The following GET3 variants were observed in gnomAD, a reference collection of about 807,000 sequenced individuals.
GET3 encodes guided entry of tail-anchored proteins factor 3, ATPase, also known as ATPase GET3.
In GET3, 15 loss-of-function variants were observed where a neutral mutation model predicts 32.4. The ratio of observed to expected loss-of-function variants is 0.46; its 90% CI spans 0.31 to 0.71. The LOEUF (loss-of-function observed/expected upper bound fraction) is 0.71. GET3 is among the 30% of genes least tolerant of loss of function. GET3 has a pLI of 0.05. For missense variants in GET3, 333 were observed against 459.0 expected (o/e 0.73, Z 2.51); for synonymous variants, 198 against 185.6 (o/e 1.07, Z -0.54).
In GET3 at chr19:12,747,321, C is replaced by G. The variant is rs762412540; in HGVS notation, c.717+17C>G. ...AAGGACCCTGTGAGTGGTGGTCTGG[C>G]TGGCGGTGAGAGGCCCGGGGGCTGA... On this transcript the variant is annotated intron_variant, in intron 5 of 6. Transcript: ENST00000357332. This position sits in a 1 kb window ranked among gnomAD's most constrained non-coding sequence, Gnocchi z 4.0. 1.7e-5 allele frequency: 27 copies of G among 1,609,116 alleles called. No homozygotes were observed. Among genetic ancestry groups the G allele is most frequent in the Non-Finnish European group, 2.1e-5 (25 of 1,176,416 alleles).
Position 12,737,557 on chromosome 19 carries a change from G to C in GET3, c.52G>C (p.Ala18Pro). 1 of 1,605,816 alleles carries C rather than the reference G, an allele frequency of 6.2e-7. No homozygotes were observed. Among genetic ancestry groups the C allele is most frequent in the Non-Finnish European group, 8.5e-7 (1 of 1,176,732 alleles). The change falls in exon 1 of 7, where the codon GCT becomes CCT. Residue 18 changes from alanine to proline, a missense_variant. Coordinates refer to ENST00000357332, the MANE Select transcript of GET3 (RefSeq NM_004317.4). ...GGTTGAGGCAGAGGAGTTCGAAGAT[G>C]CTCCTGATGTGGAGCCGCTGGAGCC... ...WGVEAEEFED[A>P]PDVEPLEPTL...
At chr19:12,743,557 G>A (rs1196624071) in intron 2 of GET3, among the ~76,000 whole-genome samples, 4 of 150,714 alleles carry the variant, frequency 2.7e-5, no homozygotes, top group Non-Finnish European at 4.4e-5. Context: ...TTGGGAGGCC[G>A]AGGTGGGTGG....
chr19:12,740,337 C>T (rs1967644294), intron 2 of GET3, among the ~76,000 whole-genome samples: 2 of 151,148 alleles, frequency 1.3e-5, no homozygotes, highest in African/African-American at 4.9e-5. Flanking sequence ...GCTGAGATCG[C>T]GCCACTGCAC....
chr19:12,739,457 C>T (rs1967626711), intron 2 of GET3, among the ~76,000 whole-genome samples: 1 of 152,160 alleles, frequency 6.6e-6, no homozygotes, highest in South Asian at 2.1e-4. Context: ...TGAGCCACCA[C>T]ATCGCACCAG....
At position 12,747,436 on chromosome 19, in the gene GET3, G is replaced by A. The variant is rs1397606956; in HGVS notation, c.759G>A (p.Leu253=). 5 of 1,614,064 alleles carry A rather than the reference G, an allele frequency of 3.1e-6. No individual in the cohort carries two copies. The highest frequency in any genetic ancestry group is 1.6e-4 in the Middle Eastern group (1 of 6,062). Residue 253 remains leucine (L), a synonymous_variant, in exon 6 of 7, where the codon CTG becomes CTA. Coordinates refer to ENST00000357332, the MANE Select transcript of GET3 (RefSeq NM_004317.4). This position sits in a 1 kb window ranked among gnomAD's most constrained non-coding sequence, Gnocchi z 4.0. ...TFICVCIAEF[L]SLYETERLIQ... is the part of the protein sequence containing the mutation. ...TCTGCGTATGCATTGCTGAGTTCCT[G>A]TCCCTGTATGAGACAGAGAGGCTGA...
Position 12,747,822 on chromosome 19 carries a change from G to A in GET3, c.916-151G>A, listed in dbSNP as rs779928887. The A allele has an allele frequency of 5.6e-5, 57 of 1,012,350 alleles. No homozygotes were observed. The highest frequency in any genetic ancestry group is 2.5e-4 in the Middle Eastern group (1 of 4,008). 62.7% of individuals were successfully genotyped at this position (1,012,350 alleles called of 1,614,324 possible). ...CCCAGTGATCTCTGACCATAGTGAT[G>A]CAGCTCCCACTTATGACACCTTAAG... is the stretch of plus-strand genomic sequence containing the variant. On this transcript the variant is annotated intron_variant, in intron 6 of 6. Transcript: ENST00000357332. The surrounding 1 kb of genome is among the most constrained non-coding windows in gnomAD (Gnocchi z 4.0).
intron 2 of GET3, among the ~76,000 whole-genome samples, chr19:12,738,967 G>A (rs1967618605): frequency 6.6e-6 from 1 of 152,216 alleles, no homozygotes; most frequent in African/African-American, 2.4e-5. Context: ...TTAACGGGAA[G>A]CTGTTTGTTT....
chr19:12,737,957 A>C (rs1453409094), intron 1 of GET3, among the ~76,000 whole-genome samples: 1 of 152,112 alleles, frequency 6.6e-6, no homozygotes, highest in Non-Finnish European at 1.5e-5. Context: ...TACCTGAGTG[A>C]ATCCAGAGTT....
chr19:12,748,256 G>A lies in GET3; in HGVS notation c.*152G>A. On this transcript the variant is annotated 3_prime_UTR_variant, in exon 7 of 7. Transcript: ENST00000357332. ...GGGGTCCATTCCCCCTGGTGGGGCT[G>A]GTGGGGAGCTGTAGTTGCCCCCTAC... The A allele has an allele frequency of 1.4e-6, 1 of 700,150 alleles. No homozygotes were observed. The highest frequency in any genetic ancestry group is 2.2e-6 in the Non-Finnish European group (1 of 456,568). 43.4% of individuals were successfully genotyped at this position (700,150 alleles called of 1,614,324 possible). A position where few individuals can be genotyped will look rare whatever the true frequency, so the allele number is the denominator to read the frequency against.
In GET3 at chr19:12,747,065, A is replaced by G. The variant is rs1234142052; in HGVS notation, c.610-132A>G. 5.0e-6 allele frequency: 3 copies of G among 601,812 alleles called. No homozygotes were observed. The highest frequency in any genetic ancestry group is 2.9e-5 in the South Asian group (1 of 34,648). 37.3% of individuals were successfully genotyped at this position (601,812 alleles called of 1,614,324 possible). A position where few individuals can be genotyped will look rare whatever the true frequency, so the allele number is the denominator to read the frequency against. On this transcript the variant is annotated intron_variant, in intron 4 of 6. Transcript: ENST00000357332. The surrounding 1 kb of genome is among the most constrained non-coding windows in gnomAD (Gnocchi z 4.0). ...GAAAAGCTAGTATTTGACCAACCCC[A>G]GGAATCTGCTTATGGGCCTGAGCCT...
chr19:12,745,845 A>G lies in GET3; in HGVS notation c.609+86A>G. 1 of 1,480,538 alleles carries G rather than the reference A, an allele frequency of 6.8e-7. No individual in the cohort carries two copies. Among genetic ancestry groups the G allele is most frequent in the Non-Finnish European group, 9.0e-7 (1 of 1,109,362 alleles). The allele number at this position is 1,480,538 out of a possible 1,614,324, so 91.7% of individuals were successfully genotyped here. A position where few individuals can be genotyped will look rare whatever the true frequency, so the allele number is the denominator to read the frequency against. ...GCCCCCAGACCCTCAAATGCGCACT[A>G]ACAATTCCCTTTCCTTCCCACCCCT... On this transcript the variant is annotated intron_variant, in intron 4 of 6. Transcript: ENST00000357332. This position sits in a 1 kb window ranked among gnomAD's most constrained non-coding sequence, Gnocchi z 5.0.
rs1471786167 is a variant in GET3, at chr19:12,737,544, G to A, written c.39G>A (p.Glu13=). 12 of 1,597,892 alleles carry A rather than the reference G, an allele frequency of 7.5e-6. No individual in the cohort carries two copies. The highest frequency in any genetic ancestry group is 4.6e-5 in the East Asian group (2 of 43,268). Residue 13 remains glutamate, a synonymous_variant, in exon 1 of 7, where the codon GAG becomes GAA. Transcript: ENST00000357332. Reference sequence around the variant, plus strand: ...TGGCCGGGTGGGGGGTTGAGGCAGAGGAGTTCGAAGATGCTCCTGATGTGG... The same window carrying A: ...TGGCCGGGTGGGGGGTTGAGGCAGAAGAGTTCGAAGATGCTCCTGATGTGG... ...AGVAGWGVEA[E]EFEDAPDVEP...
At chr19:12,742,855 A>G (rs755730186) in intron 2 of GET3, among the ~76,000 whole-genome samples, 12 of 151,948 alleles carry the variant, frequency 7.9e-5, no homozygotes, top group Non-Finnish European at 1.3e-4. Context: ...CCAAGACGCT[A>G]TCTCTAAAAG....
Position 12,747,929 on chromosome 19 carries a change from C to G in GET3, c.916-44C>G. ...TTGATCCACACTCTGTCTCTGCCTT[C>G]CTGCCCCCTGACCACTGCCTTCTAC... On this transcript the variant is annotated intron_variant, in intron 6 of 6. Transcript: ENST00000357332. The surrounding 1 kb of genome is among the most constrained non-coding windows in gnomAD (Gnocchi z 4.0). 2.6e-6 allele frequency: 4 copies of G among 1,538,600 alleles called. No homozygotes were observed. The highest frequency in any genetic ancestry group is 3.5e-6 in the Non-Finnish European group (4 of 1,135,478).
At position 12,748,129 on chromosome 19, in the gene GET3, C is replaced by T. The variant is rs566317705; in HGVS notation, c.*25C>T. ...GCACAGCTGCCAGCCCCAACCGCTG[C>T]CATTTCACACTCACCCTCCACCCTC... On this transcript the variant is annotated 3_prime_UTR_variant, in exon 7 of 7. Transcript: ENST00000357332. 4.4e-5 allele frequency: 68 copies of T among 1,558,416 alleles called. 2 individuals are homozygous for T. The South Asian group carries it at 7.8e-4, about 18-fold the overall frequency.
At position 12,747,221 on chromosome 19, in the gene GET3, G is replaced by A. The variant is rs755532882; in HGVS notation, c.634G>A (p.Asp212Asn). ...GATGTGCAACATGCTGGGCCTGGGG[G>A]ACATGAACGCAGACCAGCTGGCCTC... ...SQMCNMLGLG[D>N]MNADQLASKL... The change falls in exon 5 of 7, where the codon GAC becomes AAC. Residue 212 changes from aspartate (D) to asparagine (N), a missense_variant. Physicochemically the swap from Asp to Asn is conservative, Grantham distance 23. Coordinates refer to ENST00000357332, the MANE Select transcript of GET3 (RefSeq NM_004317.4). This position sits in a 1 kb window ranked among gnomAD's most constrained non-coding sequence, Gnocchi z 4.0. 1.9e-6 allele frequency: 3 copies of A among 1,609,742 alleles called. No individual in the cohort carries two copies. The highest frequency in any genetic ancestry group is 2.5e-6 in the Non-Finnish European group (3 of 1,177,888).
intron 1 of GET3, among the ~76,000 whole-genome samples, chr19:12,738,105 GT>G (rs1967606720): frequency 1.3e-5 from 2 of 152,110 alleles, no homozygotes; most frequent in Non-Finnish European, 2.9e-5. Flanking sequence ...GGCAGGAGGT[GT>G]CCGTTGGACA....
chr19:12,738,735 C>T, intron 2 of GET3, 77 bp downstream of exon 2: 1 of 1,568,128 alleles, frequency 6.4e-7, no homozygotes, highest in Non-Finnish European at 8.7e-7. Flanking sequence ...CACCAGCAGC[C>T]ACCGTGTCCT....
chr19:12,744,340 G>A (rs182831238), intron 2 of GET3, among the ~76,000 whole-genome samples: 34 of 151,862 alleles, frequency 2.2e-4, no homozygotes, highest in Non-Finnish European at 3.8e-4. Context: ...TGTTTTTTGA[G>A]ACAGAGTCTC....
Sources: gnomAD v4.1 joint callset for allele counts (sites outside exome capture counted in the v4.1 genomes callset) on GRCh38, gnomAD v4.1.1 for gene constraint, Gnocchi (gnomAD v3.1) non-coding constraint, MANE v1.5 for transcripts, NCBI Gene and HGNC (gene_info 2026-07-23, HGNC 2026-07-21) for gene names.